Variants in ZNF385D observed in about 807,000 individuals in gnomAD.
ZNF385D encodes zinc finger protein 385D, also known as zinc finger protein 659.
In ZNF385D, 15 loss-of-function variants were observed where a neutral mutation model predicts 35.8. The ratio of observed to expected loss-of-function variants is 0.42; its 90% CI spans 0.28 to 0.64. The LOEUF is 0.64. Among genes scored for constraint, ZNF385D ranks in the 30% least tolerant of loss-of-function variants. ZNF385D has a pLI of 0.23. For missense variants in ZNF385D, 474 were observed against 494.6 expected (o/e 0.96, Z 0.39); for synonymous variants, 212 against 186.8 (o/e 1.13, Z -1.10).
chr3:21,768,829 C>A (rs532849626), intron 3 of ZNF385D, among the ~76,000 whole-genome samples: 31 of 151,922 alleles, frequency 2.0e-4, no homozygotes, highest in African/African-American at 7.2e-4. Context: ...GTTGAAATAA[C>A]AAATCAGCAA....
intron 3 of ZNF385D, among the ~76,000 whole-genome samples, chr3:21,944,586 A>C (rs2125282514): frequency 6.6e-6 from 1 of 152,302 alleles, no homozygotes; most frequent in East Asian, 1.9e-4. Flanking sequence ...ACATTTAAGC[A>C]CTGTTAATCT....
Position 22,088,443 on chromosome 3 carries a change from T to C in ZNF385D, c.325+80374A>G, listed in dbSNP as rs569822704. On this transcript the variant is annotated intron_variant, in intron 3 of 5. Transcript: ENST00000494108. ...GACACTTTGAGATCTGGCTTCAGTC[T>C]GGCACCATTCAACGTGGTGTGAGAG... is the stretch of plus-strand genomic sequence containing the variant. Among the ~76,000 whole-genome samples the C allele has an allele frequency of 2.6e-5, 4 of 152,268 alleles. No individual in the cohort carries two copies. In the East Asian group the frequency reaches 7.7e-4, roughly 29 times the overall value.
At chr3:21,757,191 G>A (rs1449748231) in intron 3 of ZNF385D, among the ~76,000 whole-genome samples, 1 of 141,068 alleles carries the variant, frequency 7.1e-6, no homozygotes, top group Non-Finnish European at 1.5e-5. Flanking sequence ...GGCTGGAGTG[G>A]CGCAATCTCA....
chr3:21,985,092 A>T (rs76656763), intron 3 of ZNF385D, among the ~76,000 whole-genome samples: 8 of 131,628 alleles, frequency 6.1e-5, no homozygotes, highest in East Asian at 4.7e-4. Context: ...TTTCTAGATA[A>T]ACAATCATGT....
intron 3 of ZNF385D, among the ~76,000 whole-genome samples, chr3:22,077,718 G>A (rs1445180164): frequency 2.0e-5 from 3 of 151,946 alleles, no homozygotes; most frequent in Non-Finnish European, 4.4e-5. Context: ...GTTTTAGAGT[G>A]CAGTTGTAGC....
At chr3:21,543,819 G>C (rs1458881390) in intron 3 of ZNF385D, among the ~76,000 whole-genome samples, 3 of 152,206 alleles carry the variant, frequency 2.0e-5, no homozygotes, top group Non-Finnish European at 4.4e-5. Flanking sequence ...TTTCTGCAAA[G>C]TTTTGGTTGT....
intron 4 of ZNF385D, among the ~76,000 whole-genome samples, chr3:21,455,042 C>A (rs1005356065): frequency 3.9e-5 from 6 of 152,188 alleles, no homozygotes; most frequent in Middle Eastern, 3.4e-3. Context: ...TGTGAAGGAC[C>A]TCTTCAAGGA....
At chr3:22,272,246 T>A (rs1470088770) in intron 2 of ZNF385D, among the ~76,000 whole-genome samples, 1 of 152,052 alleles carries the variant, frequency 6.6e-6, no homozygotes, top group African/African-American at 2.4e-5. Flanking sequence ...TAAATGCATT[T>A]TTAACTTGCA....
intron 3 of ZNF385D, among the ~76,000 whole-genome samples, chr3:21,809,217 T>C (rs1456228565): frequency 6.6e-6 from 1 of 152,034 alleles, no homozygotes; most frequent in Non-Finnish European, 1.5e-5. Flanking sequence ...CAATAATAAC[T>C]ACTCTTGAAA....
rs62237371 is a variant in ZNF385D at position 21,607,463 on chromosome 3, A to G, written c.166-42779T>C. Among the ~76,000 whole-genome samples, 845 of 152,234 alleles carry G rather than the reference A, an allele frequency of 5.6e-3. 5 individuals are homozygous for G. Among genetic ancestry groups the G allele is most frequent in the Non-Finnish European group, 8.6e-3 (584 of 68,028 alleles). ...TATATAACAAGTGTATACTCTTTGTATTTTTCTACTGCTCTATCATTATCA... is the reference window on the plus strand; with the variant it reads ...TATATAACAAGTGTATACTCTTTGTGTTTTTCTACTGCTCTATCATTATCA... On this transcript the variant is annotated intron_variant, in intron 2 of 7. Coordinates refer to ENST00000281523, the MANE Select transcript of ZNF385D (RefSeq NM_024697.3).
intron 3 of ZNF385D, among the ~76,000 whole-genome samples, chr3:21,828,486 C>T (rs115373527): frequency 0.036 from 5,459 of 152,166 alleles, 339 homozygotes; most frequent in African/African-American, 0.12. Flanking sequence ...GTTATAATTG[C>T]AGTTTTACTC....
At chr3:21,849,477 G>T (rs1326077754) in intron 3 of ZNF385D, among the ~76,000 whole-genome samples, 1 of 151,198 alleles carries the variant, frequency 6.6e-6, no homozygotes, top group Non-Finnish European at 1.5e-5. Flanking sequence ...TTAATTAAAA[G>T]AATAAAATAT....
chr3:21,666,148 A>G (rs144249256), intron 1 of ZNF385D, among the ~76,000 whole-genome samples: 51 of 152,364 alleles, frequency 3.3e-4, no homozygotes, highest in African/African-American at 1.2e-3. Context: ...AAATTTCACA[A>G]CAAACTCTCT....
intron 3 of ZNF385D, among the ~76,000 whole-genome samples, chr3:21,901,542 C>G (rs1699414270): frequency 6.6e-6 from 1 of 152,108 alleles, no homozygotes. Context: ...TTGTGGATGC[C>G]AGGCACTGTG....
In ZNF385D at chr3:21,815,421, A is replaced by T. The variant is rs1047057794; in HGVS notation, c.326-150393T>A. Among the ~76,000 whole-genome samples the T allele has an allele frequency of 2.0e-5, 3 of 152,222 alleles. No individual in the cohort carries two copies. In the South Asian group the frequency reaches 6.2e-4, roughly 32 times the overall value. On this transcript the variant is annotated intron_variant, in intron 3 of 5. Coordinates refer to the ZNF385D transcript ENST00000494108. Reference sequence around the variant, plus strand: ...GCTGTTTTTTGAAAAGATCAACAAAAGTGATAGACCACTAGCAAGACTAAT... The same window carrying T: ...GCTGTTTTTTGAAAAGATCAACAAATGTGATAGACCACTAGCAAGACTAAT...
At chr3:21,633,388 A>G (rs2065337529) in intron 2 of ZNF385D, among the ~76,000 whole-genome samples, 1 of 152,104 alleles carries the variant, frequency 6.6e-6, no homozygotes, top group South Asian at 2.1e-4. Context: ...TAATTATAGT[A>G]GCACCTATAT....
At chr3:21,430,303 C>T (rs1701234156) in intron 5 of ZNF385D, among the ~76,000 whole-genome samples, 1 of 151,754 alleles carries the variant, frequency 6.6e-6, no homozygotes, top group Non-Finnish European at 1.5e-5. Flanking sequence ...ACTGATTTAC[C>T]AGTAATATAT....
At chr3:21,799,745 C>A (rs2125681632) in intron 3 of ZNF385D, among the ~76,000 whole-genome samples, 1 of 152,138 alleles carries the variant, frequency 6.6e-6, no homozygotes, top group South Asian at 2.1e-4. Context: ...ATAATACATG[C>A]AAATTTGAAT....
intron 3 of ZNF385D, among the ~76,000 whole-genome samples, chr3:21,808,470 G>C (rs964500808): frequency 1.3e-5 from 2 of 152,162 alleles, no homozygotes; most frequent in African/African-American, 2.4e-5. Context: ...TCCAAGCAGA[G>C]ATGACACCCA....
Sources: gnomAD v4.1 joint callset for allele counts (sites outside exome capture counted in the v4.1 genomes callset) on GRCh38, gnomAD v4.1.1 for gene constraint, MANE v1.5 for transcripts, NCBI Gene and HGNC (gene_info 2026-07-23, HGNC 2026-07-21) for gene names.